TMEM131L: variants seen among roughly 807,000 people sequenced by gnomAD.
TMEM131L encodes the protein transmembrane protein 131-like.
A neutral mutation model predicts 192.2 loss-of-function variants in TMEM131L; 54 were observed. The observed-to-expected ratio is 0.28, with a 90% CI of 0.23 to 0.35. The LOEUF (loss-of-function observed/expected upper bound fraction) is 0.35. Ranked by LOEUF, TMEM131L falls within the 10% of genes least tolerant of loss-of-function variation. The pLI is 1.00. For synonymous variants in TMEM131L, 701 were observed against 704.9 expected (o/e 0.99, Z 0.09); for missense variants, 1,888 against 1,972.9 (o/e 0.96, Z 0.82).
In TMEM131L at chr4:153,602,171, A is replaced by C. The variant is rs770989155; in HGVS notation, c.2286A>C (p.Gln762His). 6.3e-7 allele frequency: 1 copy of C among 1,596,374 alleles called. No individual in the cohort carries two copies. The highest frequency in any genetic ancestry group is 8.5e-7 in the Non-Finnish European group (1 of 1,171,462). ...CATTAGAACTGAAAGACAGTAAGCA[A>C]ATTTTATCTATTACAAAGAACTTTA... The part of the protein sequence containing the change: ...DCRRQLKDSK[Q>H]ILSITKNFKV... Residue 762 changes from glutamine to histidine, a missense_variant, in exon 22 of 35, where the codon CAA (glutamine) becomes CAC (histidine). Transcript: ENST00000409959.
At chr4:153,607,805 C>T (rs543191171) in intron 25 of TMEM131L, among the ~76,000 whole-genome samples, 1 of 152,272 alleles carries the variant, frequency 6.6e-6, no homozygotes. Flanking sequence ...TACTTGCCAT[C>T]AAGAAACATA....
At chr4:153,497,794 C>G (rs1375964447) in intron 3 of TMEM131L, among the ~76,000 whole-genome samples, 2 of 145,532 alleles carry the variant, frequency 1.4e-5, no homozygotes. Flanking sequence ...ATACTCTTTT[C>G]TACTCTATTA....
chr4:153,604,481 T>A, intron 25 of TMEM131L, 51 bp downstream of exon 25: 1 of 1,506,386 alleles, frequency 6.6e-7, no homozygotes, highest in South Asian at 1.3e-5. Context: ...ACCCAGTCTG[T>A]TTTTAATGGA....
At chr4:153,481,744 C>T (rs116567261) in intron 3 of TMEM131L, among the ~76,000 whole-genome samples, 10,242 of 152,046 alleles carry the variant, frequency 0.067, 921 homozygotes, top group African/African-American at 0.21. Context: ...CACGTTGTTG[C>T]GCAGTCTTGT....
intron 33 of TMEM131L, 93 bp downstream of exon 33, chr4:153,634,373 C>A: frequency 9.7e-7 from 1 of 1,032,524 alleles, no homozygotes; most frequent in Non-Finnish European, 1.5e-6. Flanking sequence ...CTTTTAACAG[C>A]GAGCAGACTT....
At chr4:153,509,222 A>G (rs969528417) in intron 3 of TMEM131L, among the ~76,000 whole-genome samples, 3 of 151,528 alleles carry the variant, frequency 2.0e-5, no homozygotes, top group Non-Finnish European at 4.4e-5. Context: ...TTAACTGGGC[A>G]TGGTGGTGGC....
intron 3 of TMEM131L, among the ~76,000 whole-genome samples, chr4:153,477,745 A>G (rs1218646220): frequency 6.6e-6 from 1 of 152,150 alleles, no homozygotes; most frequent in Non-Finnish European, 1.5e-5. Flanking sequence ...GTTGCCTGCA[A>G]TGTATTCTAT....
At chr4:153,526,487 C>G (rs1428752404) in intron 3 of TMEM131L, among the ~76,000 whole-genome samples, 1 of 152,024 alleles carries the variant, frequency 6.6e-6, no homozygotes, top group African/African-American at 2.4e-5. Flanking sequence ...GTAATCCTAG[C>G]ACTTTGGGAG....
Position 153,569,643 on chromosome 4 carries a change from A to G in TMEM131L, c.661-11183A>G, listed in dbSNP as rs373183078. 2.0e-3 allele frequency among the ~76,000 whole-genome samples: 305 copies of G among 152,318 alleles called. 15 individuals are homozygous for G. In the South Asian group the frequency reaches 0.062, roughly 31 times the overall value. ...TTCCAAACCAGACCACCTGGCTAAA[A>G]ATCTTGGTTCTGAGTGACTGTAGCC... On this transcript the variant is annotated intron_variant, in intron 7 of 34. Transcript: ENST00000409959.
At chr4:153,582,433 GTTT>G (rs1038256479) in intron 9 of TMEM131L, among the ~76,000 whole-genome samples, 3 of 40,324 alleles carry the variant, frequency 7.4e-5, no homozygotes, top group Middle Eastern at 0.022. Flanking sequence ...TTTTTTTGTT[GTTT>G]TTTTTTTTTT....
intron 11 of TMEM131L, among the ~76,000 whole-genome samples, chr4:153,584,084 C>T (rs150379953): frequency 9.1e-4 from 139 of 152,238 alleles, no homozygotes; most frequent in African/African-American, 3.3e-3. Context: ...CAAAACTGTA[C>T]CTATAAGAAA....
intron 28 of TMEM131L, among the ~76,000 whole-genome samples, chr4:153,622,150 G>C (rs1444027232): frequency 1.3e-5 from 2 of 152,168 alleles, no homozygotes; most frequent in Admixed American, 1.3e-4. Flanking sequence ...TGGTGAAAGG[G>C]GGGAGTAGCC....
intron 32 of TMEM131L, 100 bp downstream of exon 32, chr4:153,632,938 TA>T: frequency 7.1e-7 from 1 of 1,407,696 alleles, no homozygotes; most frequent in African/African-American, 1.4e-5. Context: ...AAATGAAGGC[TA>T]GGCTTCTTCC....
In TMEM131L at chr4:153,583,644, T is replaced by C. The variant is rs1730514062; in HGVS notation, c.1032T>C (p.Phe344=). The C allele has an allele frequency of 6.2e-7, 1 of 1,605,486 alleles. No homozygotes were observed. The highest frequency in any genetic ancestry group is 8.5e-7 in the Non-Finnish European group (1 of 1,176,582). ...PVLLPTSTTN[F]TKIASFTCKA... is the part of the protein sequence containing the mutation. ...TACTACCTACTTCTACAACAAACTT[T>C]ACAAAAATTGCTTCTTTTACCTGCA... is the stretch of plus-strand genomic sequence containing the variant. Residue 344 remains phenylalanine, a synonymous_variant, in exon 11 of 35, where the codon TTT becomes TTC. Coordinates refer to ENST00000409959, the MANE Select transcript of TMEM131L (RefSeq NM_001131007.2).
chr4:153,612,470 GT>G, intron 26 of TMEM131L, 70 bp downstream of exon 26: 1 of 1,175,830 alleles, frequency 8.5e-7, no homozygotes, highest in South Asian at 1.5e-5. Context: ...GTGAATATGT[GT>G]ATTTCATATG....
chr4:153,522,177 G>A lies in TMEM131L; in HGVS notation c.240-27896G>A, dbSNP rs183022371. 1.4e-3 allele frequency among the ~76,000 whole-genome samples: 214 copies of A among 152,268 alleles called. 1 individual carries two copies. The highest frequency in any genetic ancestry group is 4.9e-3 in the African/African-American group (202 of 41,554). ...AGGCTGTGGTGAAGGAGCCGGAGGA[G>A]AAACGTGGAGTGGTGAAGTGGGAAC... On this transcript the variant is annotated intron_variant, in intron 3 of 34. Transcript: ENST00000409959.
Position 153,585,445 on chromosome 4 carries a change from C to T in TMEM131L, c.1158-13C>T, listed in dbSNP as rs766187126. 3.1e-6 allele frequency: 5 copies of T among 1,612,724 alleles called. No individual in the cohort carries two copies. Among genetic ancestry groups the T allele is most frequent in the East Asian group, 2.2e-5 (1 of 44,794 alleles). ...CACTCAGGCCTGATAGCATGCATGT[C>T]GTCTGTTCACAGGTATTTTAGAATG... is the stretch of plus-strand genomic sequence containing the variant. On this transcript the variant is annotated splice_polypyrimidine_tract_variant and intron_variant, in intron 12 of 34. Transcript: ENST00000409959.
At chr4:153,621,876 G>T (rs1370157208) in intron 28 of TMEM131L, 27 bp downstream of exon 28, 3 of 1,606,990 alleles carry the variant, frequency 1.9e-6, no homozygotes, top group Middle Eastern at 1.7e-4. Flanking sequence ...AGCTACAAAT[G>T]GTGCTTCTGT....
intron 3 of TMEM131L, among the ~76,000 whole-genome samples, chr4:153,522,493 C>T (rs1192046766): frequency 6.6e-6 from 1 of 152,224 alleles, no homozygotes; most frequent in East Asian, 1.9e-4. Flanking sequence ...CCCTGGGACT[C>T]GGTCTGTGTG....
Sources: gnomAD v4.1 joint callset for allele counts (sites outside exome capture counted in the v4.1 genomes callset) on GRCh38, gnomAD v4.1.1 for gene constraint, MANE v1.5 for transcripts, NCBI Gene and HGNC (gene_info 2026-07-23, HGNC 2026-07-21) for gene names.